Variants in UBE2E2 observed in about 807,000 individuals in gnomAD.
The protein encoded by UBE2E2 is ubiquitin-conjugating enzyme E2 E2.
UBE2E2 carries 6 observed loss-of-function variants against 24.7 expected under a neutral mutation model. That is an observed-to-expected ratio of 0.24 (90% confidence interval 0.13 to 0.48). The LOEUF (loss-of-function observed/expected upper bound fraction) is 0.48, where lower values mean the gene tolerates loss of function less well. UBE2E2 is among the 20% of genes least tolerant of loss of function. UBE2E2 has a pLI of 0.99. For synonymous variants in UBE2E2, 104 were observed against 83.6 expected, an observed-to-expected ratio of 1.24 and a Z score of -1.33; for missense variants, 169 against 245.0, an observed-to-expected ratio of 0.69 and a Z score of 2.07.
intron 5 of UBE2E2, among the ~76,000 whole-genome samples, chr3:23,579,467 A>T (rs886907308): frequency 1.3e-5 from 2 of 150,984 alleles, no homozygotes; most frequent in East Asian, 3.9e-4. Flanking sequence ...AGGTGGGAGG[A>T]TCACTTGAGG....
At chr3:23,483,484 G>A (rs1051074191) in intron 3 of UBE2E2, among the ~76,000 whole-genome samples, 2 of 152,338 alleles carry the variant, frequency 1.3e-5, no homozygotes, top group South Asian at 2.1e-4. Flanking sequence ...CTGAGGCTCA[G>A]TGGTATGAAA....
chr3:23,240,012 C>T (rs1036322707), intron 3 of UBE2E2, among the ~76,000 whole-genome samples: 10 of 152,040 alleles, frequency 6.6e-5, no homozygotes, highest in African/African-American at 1.9e-4. Flanking sequence ...CCAGCCTTGT[C>T]CTGGGGTATA....
At chr3:23,422,998 T>A (rs1697840552) in intron 3 of UBE2E2, among the ~76,000 whole-genome samples, 1 of 152,212 alleles carries the variant, frequency 6.6e-6, no homozygotes. Flanking sequence ...GTATGTAAAG[T>A]CAGTTTCTTA....
intron 3 of UBE2E2, among the ~76,000 whole-genome samples, chr3:23,448,031 G>T (rs903259573): frequency 9.2e-5 from 14 of 152,102 alleles, no homozygotes; most frequent in African/African-American, 3.4e-4. Context: ...ATGTTCAGAG[G>T]AGTAAGTTTC....
In UBE2E2 at chr3:23,499,796, T is replaced by C. The variant is rs1013881921; in HGVS notation, c.360+56T>C. ...AATATGGATTATATTTCTAGATACA[T>C]ATACTTATTCTTAAATATGCATTCT... On this transcript the variant is annotated intron_variant, in intron 4 of 5. Coordinates refer to ENST00000396703, the MANE Select transcript of UBE2E2 (RefSeq NM_152653.4). The C allele has an allele frequency of 7.6e-6, 12 of 1,576,428 alleles. No individual in the cohort carries two copies. In the African/African-American group the frequency reaches 1.5e-4, roughly 20 times the overall value.
At chr3:23,376,697 G>C (rs1253786408) in intron 3 of UBE2E2, among the ~76,000 whole-genome samples, 3 of 152,228 alleles carry the variant, frequency 2.0e-5, no homozygotes, top group African/African-American at 7.2e-5. Flanking sequence ...CAAGGCTTCA[G>C]AGATTAGCTG....
chr3:23,577,660 A>G (rs889851679), intron 5 of UBE2E2, among the ~76,000 whole-genome samples: 3 of 152,244 alleles, frequency 2.0e-5, no homozygotes, highest in Non-Finnish European at 2.9e-5. Flanking sequence ...AGATCTAGCT[A>G]AGATAATTGA....
chr3:23,346,154 G>A (rs1428835981), intron 3 of UBE2E2, among the ~76,000 whole-genome samples: 1 of 152,142 alleles, frequency 6.6e-6, no homozygotes, highest in East Asian at 1.9e-4. Context: ...AAGCCAATAA[G>A]TAATTGTGAA....
intron 3 of UBE2E2, among the ~76,000 whole-genome samples, chr3:23,365,992 G>A (rs758321443): frequency 3.9e-5 from 6 of 152,016 alleles, no homozygotes; most frequent in African/African-American, 1.4e-4. Flanking sequence ...TGACAAAGTC[G>A]ACAAAAACAA....
chr3:23,342,751 C>T (rs1196330695), intron 3 of UBE2E2, among the ~76,000 whole-genome samples: 1 of 152,028 alleles, frequency 6.6e-6, no homozygotes, highest in East Asian at 1.9e-4. Context: ...CATCACCCTG[C>T]GTTGATCAGG....
intron 5 of UBE2E2, among the ~76,000 whole-genome samples, chr3:23,581,847 G>A (rs1417702491): frequency 6.6e-6 from 1 of 152,214 alleles, no homozygotes; most frequent in Non-Finnish European, 1.5e-5. Context: ...CAGTCTGCCT[G>A]TCTTTTCTCC....
intron 3 of UBE2E2, among the ~76,000 whole-genome samples, chr3:23,484,822 G>A (rs987366364): frequency 3.9e-5 from 6 of 152,224 alleles, no homozygotes; most frequent in Middle Eastern, 3.4e-3. Context: ...ATCAGATCTC[G>A]TGAGGCTTAT....
intron 3 of UBE2E2, among the ~76,000 whole-genome samples, chr3:23,253,571 C>G (rs1282123277): frequency 6.6e-6 from 1 of 152,106 alleles, no homozygotes; most frequent in African/African-American, 2.4e-5. Flanking sequence ...TCAGTAGCAA[C>G]AAAAATGTTA....
intron 4 of UBE2E2, among the ~76,000 whole-genome samples, chr3:23,502,967 CTG>C (rs1388293114): frequency 6.6e-6 from 1 of 152,100 alleles, no homozygotes; most frequent in Non-Finnish European, 1.5e-5. Flanking sequence ...TATTATTTCT[CTG>C]TGAAAATACC....
chr3:23,358,137 A>G (rs1696015334), intron 3 of UBE2E2, among the ~76,000 whole-genome samples: 2 of 152,150 alleles, frequency 1.3e-5, no homozygotes, highest in East Asian at 1.9e-4. Context: ...CTGGCCCAGA[A>G]ATCTATTTTA....
At chr3:23,313,689 G>A (rs530388972) in intron 3 of UBE2E2, among the ~76,000 whole-genome samples, 1 of 152,000 alleles carries the variant, frequency 6.6e-6, no homozygotes, top group South Asian at 2.1e-4. Flanking sequence ...AGCCTGTCTT[G>A]TTTTTTTAAT....
intron 4 of UBE2E2, among the ~76,000 whole-genome samples, chr3:23,503,350 C>T (rs1228271785): frequency 1.3e-5 from 2 of 151,760 alleles, no homozygotes. Flanking sequence ...CCACCACACT[C>T]GGCCTATTTT....
At chr3:23,452,262 C>T (rs1169526396) in intron 3 of UBE2E2, among the ~76,000 whole-genome samples, 2 of 152,148 alleles carry the variant, frequency 1.3e-5, no homozygotes, top group Non-Finnish European at 2.9e-5. Context: ...TAAGGTCCTA[C>T]ATTTACTTGT....
chr3:23,392,744 T>A (rs1696969843), intron 3 of UBE2E2, among the ~76,000 whole-genome samples: 1 of 152,162 alleles, frequency 6.6e-6, no homozygotes, highest in South Asian at 2.1e-4. Context: ...AGACAGATGC[T>A]TAGAAAAACT....
Sources: allele counts gnomAD v4.1 joint callset (sites outside exome capture counted in the v4.1 genomes callset), GRCh38; gene constraint gnomAD v4.1.1; transcripts MANE v1.5; gene names NCBI Gene and HGNC (gene_info 2026-07-23, HGNC 2026-07-21).